ROBO1: variants seen among roughly 807,000 people sequenced by gnomAD.
ROBO1 encodes the protein roundabout homolog 1.
In ROBO1, 149 loss-of-function variants were observed where a neutral mutation model predicts 195.9. The observed-to-expected ratio is 0.76, with a 90% CI of 0.67 to 0.87. ROBO1 has a LOEUF of 0.87. ROBO1 is among the 40% of genes least tolerant of loss of function. The probability of loss-of-function intolerance (pLI) is 0.00; values close to 1 mark genes in which losing one functional copy is unlikely to be tolerated. For synonymous variants in ROBO1, 816 were observed against 733.2 expected (o/e 1.11, Z -1.82); for missense variants, 1,933 against 2,068.3 (o/e 0.93, Z 1.27).
chr3:78,670,028 A>T, intron 11 of ROBO1, 68 bp downstream of exon 11: 1 of 1,239,652 alleles, frequency 8.1e-7, no homozygotes, highest in Non-Finnish European at 1.1e-6. Context: ...AGAAATTTCA[A>T]TGCCAGTTGT....
chr3:79,066,570 G>C (rs1290759437), intron 3 of ROBO1, among the ~76,000 whole-genome samples: 1 of 151,952 alleles, frequency 6.6e-6, no homozygotes, highest in East Asian at 1.9e-4. Flanking sequence ...AACTGCCAGA[G>C]TAATTTTTTT....
chr3:78,697,945 T>C (rs909161565), intron 8 of ROBO1, among the ~76,000 whole-genome samples: 5 of 152,132 alleles, frequency 3.3e-5, no homozygotes, highest in African/African-American at 7.2e-5. Context: ...GGGCTAAATA[T>C]GAAATCATCT....
intron 4 of ROBO1, among the ~76,000 whole-genome samples, chr3:78,820,128 G>T (rs2030723702): frequency 6.6e-6 from 1 of 152,128 alleles, no homozygotes; most frequent in Non-Finnish European, 1.5e-5. Flanking sequence ...CGTCTTTCAG[G>T]TTGGGTCTAT....
rs745910529 is a variant in ROBO1 at position 78,717,795 on chromosome 3, C to T, written c.746G>A (p.Arg249His). The T allele has an allele frequency of 3.7e-6, 6 of 1,613,706 alleles. No individual in the cohort carries two copies. Among genetic ancestry groups the T allele is most frequent in the Non-Finnish European group, 5.1e-6 (6 of 1,179,736 alleles). Reference protein sequence around the residue: ...VCVGTNMVGERESEVAELTVL... With the variant: ...VCVGTNMVGEHESEVAELTVL... The stretch of plus-strand genomic sequence containing the variant: ...AGTCAGCTCGGCTACTTCACTCTCA[C>T]GTTCCCCAACCATATTGGTACCAAC... The change falls in exon 6 of 31, where the codon CGT (arginine) becomes CAT (histidine). Residue 249 changes from arginine (R) to histidine (H), a missense_variant. Coordinates refer to ENST00000464233, the MANE Select transcript of ROBO1 (RefSeq NM_002941.4).
chr3:79,564,701 G>A (rs1483055946), intron 2 of ROBO1, among the ~76,000 whole-genome samples: 1 of 152,016 alleles, frequency 6.6e-6, no homozygotes, highest in Non-Finnish European at 1.5e-5. Context: ...CAAGTGTGCT[G>A]TTTTGTATAA....
intron 30 of ROBO1, 150 bp from the exon 31 acceptor site, chr3:78,599,077 C>A (rs1703010872): frequency 2.1e-6 from 1 of 473,660 alleles, no homozygotes; most frequent in Admixed American, 3.7e-5. Context: ...TCAACTAATT[C>A]ATTCATCAAC....
intron 3 of ROBO1, among the ~76,000 whole-genome samples, chr3:78,973,348 T>C (rs940120357): frequency 1.3e-5 from 2 of 150,846 alleles, no homozygotes; most frequent in African/African-American, 2.4e-5. Context: ...GTCCCCTTTG[T>C]ACTGAAAAAA....
At chr3:79,357,154 G>C (rs2035589295) in intron 2 of ROBO1, among the ~76,000 whole-genome samples, 1 of 152,026 alleles carries the variant, frequency 6.6e-6, no homozygotes, top group African/African-American at 2.4e-5. Flanking sequence ...AATTACCCTA[G>C]AAATTTCCAC....
chr3:79,522,330 C>CT lies in ROBO1; in HGVS notation c.88+67493dup, dbSNP rs11293842. Reference sequence around the variant, plus strand: ...ACCACTGTCTTTCCCAAGACTGTTACTTTTTTTTTTTTTTTTGGAATGTGC... The same window carrying CT: ...ACCACTGTCTTTCCCAAGACTGTTACTTTTTTTTTTTTTTTTTGGAATGTGC... On this transcript the variant is annotated intron_variant, in intron 2 of 30. Transcript: ENST00000464233. Among the ~76,000 whole-genome samples, 1,277 of 134,788 alleles carry CT rather than the reference C, an allele frequency of 9.5e-3. 10 individuals carry two copies. Among genetic ancestry groups the CT allele is most frequent in the Non-Finnish European group, 0.014 (885 of 62,534 alleles). 88.4% of individuals were successfully genotyped at this position (134,788 alleles called of 152,430 possible).
intron 2 of ROBO1, among the ~76,000 whole-genome samples, chr3:79,435,400 GA>G (rs1396225240): frequency 5.9e-5 from 9 of 151,958 alleles, no homozygotes; most frequent in Non-Finnish European, 8.8e-5. Flanking sequence ...CAAACGTTTT[GA>G]ATCATATTTA....
chr3:79,190,263 T>C (rs1490354432), intron 2 of ROBO1, among the ~76,000 whole-genome samples: 1 of 151,734 alleles, frequency 6.6e-6, no homozygotes, highest in Non-Finnish European at 1.5e-5. Flanking sequence ...TAATGGAATG[T>C]TGTCTAGGAG....
chr3:78,708,204 T>C (rs911248790), intron 8 of ROBO1, among the ~76,000 whole-genome samples: 2 of 152,308 alleles, frequency 1.3e-5, no homozygotes, highest in African/African-American at 2.4e-5. Flanking sequence ...TCTTAGAGGC[T>C]GAGGACAAAC....
chr3:78,718,153 C>T (rs574580323), intron 5 of ROBO1, among the ~76,000 whole-genome samples: 9 of 152,158 alleles, frequency 5.9e-5, no homozygotes, highest in Admixed American at 1.3e-4. Flanking sequence ...GTTGCCCAAT[C>T]GGCCAAGTTA....
chr3:79,577,500 A>G (rs2107775160), intron 2 of ROBO1, among the ~76,000 whole-genome samples: 1 of 152,258 alleles, frequency 6.6e-6, no homozygotes, highest in Non-Finnish European at 1.5e-5. Context: ...AAGGCAATGT[A>G]AGGAGGATAA....
chr3:79,369,539 T>C (rs2036111281), intron 2 of ROBO1, among the ~76,000 whole-genome samples: 1 of 152,216 alleles, frequency 6.6e-6, no homozygotes, highest in African/African-American at 2.4e-5. Flanking sequence ...CCATTTTCTA[T>C]TTGCTACATA....
At chr3:78,937,444 G>A (rs1344420156) in intron 4 of ROBO1, among the ~76,000 whole-genome samples, 1 of 151,680 alleles carries the variant, frequency 6.6e-6, no homozygotes, top group Non-Finnish European at 1.5e-5. Flanking sequence ...GTTTTATAGA[G>A]AATTATATAT....
chr3:79,305,819 T>G (rs544536755), intron 2 of ROBO1, among the ~76,000 whole-genome samples: 2 of 152,248 alleles, frequency 1.3e-5, no homozygotes, highest in Admixed American at 6.5e-5. Flanking sequence ...CTCAAACTTG[T>G]GGAAAGAACA....
intron 3 of ROBO1, among the ~76,000 whole-genome samples, chr3:79,090,132 G>T (rs1328407899): frequency 2.6e-5 from 4 of 151,674 alleles, no homozygotes; most frequent in Non-Finnish European, 5.9e-5. Flanking sequence ...TAGAGACGGG[G>T]TTTCAGCATA....
At position 79,550,167 on chromosome 3, in the gene ROBO1, GGAAGA is replaced by G. The variant is rs773967479; in HGVS notation, c.88+39652_88+39656del. On this transcript the variant is annotated intron_variant, in intron 2 of 30. Transcript: ENST00000464233. ...AAAAAGAAAGGAAGAAAGAAAGAAAGGAAGAAAGAAAGAAAGAAAGAAAGAAAGGA... is the reference window on the plus strand; with the variant it reads ...AAAAAGAAAGGAAGAAAGAAAGAAAGAAGAAAGAAAGAAAGAAAGAAAGGA... 1.3e-3 allele frequency among the ~76,000 whole-genome samples: 131 copies of G among 101,190 alleles called. 4 individuals are homozygous for G. The highest frequency in any genetic ancestry group is 2.0e-3 in the Non-Finnish European group (105 of 52,694). 66.4% of individuals were successfully genotyped at this position (101,190 alleles called of 152,430 possible).
Sources: gnomAD v4.1 joint callset for allele counts (sites outside exome capture counted in the v4.1 genomes callset) on GRCh38, gnomAD v4.1.1 for gene constraint, MANE v1.5 for transcripts, NCBI Gene and HGNC (gene_info 2026-07-23, HGNC 2026-07-21) for gene names.